Variants in EPB41L2 observed in about 807,000 individuals in gnomAD.
EPB41L2 encodes the protein band 4.1-like protein 2.
EPB41L2 carries 43 observed loss-of-function variants against 113.0 expected under a neutral mutation model. The observed-to-expected ratio is 0.38, with a 90% CI of 0.30 to 0.49. EPB41L2 has a LOEUF of 0.49. Among genes scored for constraint, EPB41L2 ranks in the 20% least tolerant of loss-of-function variants. The probability of loss-of-function intolerance (pLI) is 0.95; values close to 1 mark genes in which losing one functional copy is unlikely to be tolerated. For missense variants in EPB41L2, 1,147 were observed against 1,223.4 expected, an observed-to-expected ratio of 0.94 and a Z score of 0.93; for synonymous variants, 442 against 436.7, an observed-to-expected ratio of 1.01 and a Z score of -0.15.
chr6:131,035,430 T>A (rs547194823), intron 1 of EPB41L2, among the ~76,000 whole-genome samples: 1 of 152,334 alleles, frequency 6.6e-6, no homozygotes, highest in African/African-American at 2.4e-5. Context: ...ACTCTTGTAC[T>A]TCCCATCTCC....
chr6:130,943,667 G>A (rs889736874), intron 3 of EPB41L2, among the ~76,000 whole-genome samples: 2 of 152,126 alleles, frequency 1.3e-5, no homozygotes, highest in Non-Finnish European at 2.9e-5. Context: ...GTAATCCCCT[G>A]GTTTTGAAAC....
At position 130,858,248 on chromosome 6, in the gene EPB41L2, C is replaced by T; in HGVS notation, c.2911-5G>A. The T allele has an allele frequency of 6.2e-7, 1 of 1,609,344 alleles. No homozygotes were observed. Among genetic ancestry groups the T allele is most frequent in the Non-Finnish European group, 8.5e-7 (1 of 1,177,642 alleles). On this transcript the variant is annotated splice_polypyrimidine_tract_variant and splice_region_variant and intron_variant, in intron 18 of 19. Coordinates refer to ENST00000337057, the MANE Select transcript of EPB41L2 (RefSeq NM_001431.4). ...CCTGATCGCCTGAGCCAGTGCCTGCCAGGGTCAGGACAGAGAACGGCTGTG... is the reference window on the plus strand; with the variant it reads ...CCTGATCGCCTGAGCCAGTGCCTGCTAGGGTCAGGACAGAGAACGGCTGTG...
chr6:131,028,950 C>A (rs1791463851), intron 1 of EPB41L2, among the ~76,000 whole-genome samples: 1 of 152,048 alleles, frequency 6.6e-6, no homozygotes, highest in South Asian at 2.1e-4. Flanking sequence ...TTTTGAATAG[C>A]CAGATTACTA....
intron 1 of EPB41L2, among the ~76,000 whole-genome samples, chr6:130,957,760 T>C (rs1263130796): frequency 1.3e-5 from 2 of 152,210 alleles, no homozygotes; most frequent in African/African-American, 2.4e-5. Flanking sequence ...TCTTAAAGTA[T>C]ACAGTTAGTG....
chr6:131,007,633 A>G (rs1785904736), intron 1 of EPB41L2, among the ~76,000 whole-genome samples: 1 of 152,178 alleles, frequency 6.6e-6, no homozygotes, highest in South Asian at 2.1e-4. Context: ...AAATGCTGAT[A>G]GTAATATGGG....
At chr6:131,053,489 A>G (rs1797026903) in intron 1 of EPB41L2, among the ~76,000 whole-genome samples, 1 of 151,820 alleles carries the variant, frequency 6.6e-6, no homozygotes, top group Admixed American at 6.6e-5. Flanking sequence ...GGCCAGGGGA[A>G]GAAAAGCTCC....
chr6:131,058,224 G>C (rs1252302515), intron 1 of EPB41L2, among the ~76,000 whole-genome samples: 1 of 152,120 alleles, frequency 6.6e-6, no homozygotes, highest in Non-Finnish European at 1.5e-5. Flanking sequence ...TCCAGAAGCA[G>C]TATGAATGCA....
At chr6:130,919,929 T>A (rs1410183899) in intron 4 of EPB41L2, among the ~76,000 whole-genome samples, 1 of 152,236 alleles carries the variant, frequency 6.6e-6, no homozygotes, top group African/African-American at 2.4e-5. Flanking sequence ...CAAATGCTTT[T>A]ACCCTCTATT....
chr6:130,848,184 C>CTCTG (rs140664360), intron 19 of EPB41L2, among the ~76,000 whole-genome samples: 3,118 of 133,510 alleles, frequency 0.023, 43 homozygotes, highest in South Asian at 0.031. Flanking sequence ...CTCTCTCTGT[C>CTCTG]TCTCTCTCTC....
intron 1 of EPB41L2, among the ~76,000 whole-genome samples, chr6:130,956,740 A>G (rs1817571353): frequency 2.0e-5 from 3 of 152,344 alleles, no homozygotes; most frequent in Non-Finnish European, 4.4e-5. Context: ...GTGTGTTCTG[A>G]GTTCCATATA....
chr6:130,932,433 A>T (rs2128564731), intron 3 of EPB41L2, among the ~76,000 whole-genome samples: 1 of 152,344 alleles, frequency 6.6e-6, no homozygotes, highest in South Asian at 2.1e-4. Context: ...TTCACCTAAG[A>T]TACCAGTACA....
chr6:131,003,768 T>G (rs1194592528), intron 1 of EPB41L2, among the ~76,000 whole-genome samples: 1 of 152,254 alleles, frequency 6.6e-6, no homozygotes. Context: ...CCAGTAGTAC[T>G]TAAACATTTT....
chr6:130,923,563 C>T (rs1254813888), intron 4 of EPB41L2, among the ~76,000 whole-genome samples: 2 of 152,186 alleles, frequency 1.3e-5, no homozygotes, highest in Admixed American at 6.5e-5. Flanking sequence ...TGTCCCATCA[C>T]CCAGCCAAAG....
At chr6:130,894,781 G>GC in intron 9 of EPB41L2, among the ~76,000 whole-genome samples, 186 bp downstream of exon 9, 1 of 152,004 alleles carries the variant, frequency 6.6e-6, no homozygotes, top group East Asian at 1.9e-4. Flanking sequence ...CGTGATGGTT[G>GC]CTTTTTTTAA....
rs77018018 is a variant in EPB41L2, at chr6:130,980,585, A to G, written c.-14-24086T>C. ...TGGGGGAGGGGCAGGGGTGGGGTGG[A>G]TCTAACAACTTTGGAGCATTTTGTT... On this transcript the variant is annotated intron_variant, in intron 1 of 19. Coordinates refer to ENST00000337057, the MANE Select transcript of EPB41L2 (RefSeq NM_001431.4). Among the ~76,000 whole-genome samples the G allele has an allele frequency of 4.0e-3, 606 of 152,172 alleles. 4 individuals are homozygous for G. Among genetic ancestry groups the G allele is most frequent in the African/African-American group, 0.014 (574 of 41,508 alleles).
At chr6:131,026,430 T>C (rs1300269814) in intron 1 of EPB41L2, among the ~76,000 whole-genome samples, 1 of 152,206 alleles carries the variant, frequency 6.6e-6, no homozygotes, top group Non-Finnish European at 1.5e-5. Flanking sequence ...ATTATTTGTT[T>C]GTGGGAGTTG....
chr6:130,886,502 C>T (rs1264924342), intron 11 of EPB41L2, among the ~76,000 whole-genome samples: 2 of 152,178 alleles, frequency 1.3e-5, no homozygotes, highest in Admixed American at 6.5e-5. Context: ...TCTACTACCT[C>T]ACCTTGTGGA....
In EPB41L2 at chr6:130,891,428, TTTAC is replaced by T. The variant is rs34546609; in HGVS notation, c.1488-966_1488-963del. On this transcript the variant is annotated intron_variant, in intron 10 of 19. Transcript: ENST00000337057. ...GGTGTCAGCTTTATTTATTTATTTA[TTTAC>T]TTACTTACTTACTTACTTACTTATT... 1.9e-3 allele frequency among the ~76,000 whole-genome samples: 278 copies of T among 149,464 alleles called. 1 individual carries two copies. Among genetic ancestry groups the T allele is most frequent in the Non-Finnish European group, 2.9e-3 (194 of 67,716 alleles).
At chr6:130,921,556 A>G in intron 4 of EPB41L2, among the ~76,000 whole-genome samples, 1 of 152,162 alleles carries the variant, frequency 6.6e-6, no homozygotes, top group East Asian at 1.9e-4. Context: ...CCACATCATG[A>G]TCATTCATGC....
Sources: allele counts gnomAD v4.1 joint callset (sites outside exome capture counted in the v4.1 genomes callset), GRCh38; gene constraint gnomAD v4.1.1; transcripts MANE v1.5; gene names NCBI Gene and HGNC (gene_info 2026-07-23, HGNC 2026-07-21).